The following DOCK10 variants were observed in gnomAD, a reference collection of about 807,000 sequenced individuals.
DOCK10 encodes the protein dedicator of cytokinesis protein 10.
In DOCK10, 145 loss-of-function variants were observed where a neutral mutation model predicts 280.1. The ratio of observed to expected loss-of-function variants is 0.52; its 90% CI spans 0.45 to 0.59. The LOEUF (loss-of-function observed/expected upper bound fraction) is 0.59. Among genes scored for constraint, DOCK10 ranks in the 20% least tolerant of loss-of-function variants. The pLI is 0.00. For missense variants in DOCK10, 2,368 were observed against 2,651.7 expected (o/e 0.89, Z 2.35); for synonymous variants, 915 against 942.2 (o/e 0.97, Z 0.53).
Position 224,835,784 on chromosome 2 carries a change from A to G in DOCK10, c.2851-1521T>C, listed in dbSNP as rs564406980. Reference sequence around the variant, plus strand: ...TTATTAGGAGGTATTTGTTTTAGATATGTTAAAATTTATTATAAAATTGTT... The same window carrying G: ...TTATTAGGAGGTATTTGTTTTAGATGTGTTAAAATTTATTATAAAATTGTT... On this transcript the variant is annotated intron_variant, in intron 25 of 55. Coordinates refer to ENST00000258390, the MANE Select transcript of DOCK10 (RefSeq NM_014689.3). Among the ~76,000 whole-genome samples, 6 of 152,386 alleles carry G rather than the reference A, an allele frequency of 3.9e-5. No individual in the cohort carries two copies. The South Asian group carries it at 1.0e-3, about 26-fold the overall frequency.
chr2:225,031,384 T>C (rs1690069819), intron 1 of DOCK10, among the ~76,000 whole-genome samples: 1 of 152,202 alleles, frequency 6.6e-6, no homozygotes, highest in Non-Finnish European at 1.5e-5. Context: ...GCATTTAAGG[T>C]TGATGACGAA....
At chr2:224,818,173 G>A (rs909802731) in intron 29 of DOCK10, among the ~76,000 whole-genome samples, 2 of 152,256 alleles carry the variant, frequency 1.3e-5, no homozygotes, top group Admixed American at 6.5e-5. Flanking sequence ...CAGGCCCCAC[G>A]TAACGTTTTG....
intron 19 of DOCK10, among the ~76,000 whole-genome samples, chr2:224,848,784 A>G (rs1696532521): frequency 6.6e-6 from 1 of 152,192 alleles, no homozygotes; most frequent in African/African-American, 2.4e-5. Context: ...GTTATAAGCC[A>G]TGGAATTGGC....
At position 224,853,059 on chromosome 2, in the gene DOCK10, G is replaced by C. The variant is rs139212152; in HGVS notation, c.1952C>G (p.Thr651Arg). The C allele has an allele frequency of 4.7e-5, 76 of 1,611,016 alleles. No individual in the cohort carries two copies. The highest frequency in any genetic ancestry group is 8.5e-7 in the Non-Finnish European group (1 of 1,177,986). Residue 651 changes from threonine to arginine, a missense_variant, in exon 17 of 56, where the codon ACA (threonine) becomes AGA (arginine). Physicochemically the swap from Thr to Arg is moderately conservative, Grantham distance 71. Coordinates refer to ENST00000258390, the MANE Select transcript of DOCK10 (RefSeq NM_014689.3). ...GTAAACAAATTCTTCCACCTCCACT[G>C]TGGGTTCTGTTTGAGCCATCATGTT... ...PFNMMAQTEPTVEVEEFVYDS... is the reference protein window; with the variant it reads ...PFNMMAQTEPRVEVEEFVYDS...
chr2:225,037,866 A>G (rs1328033728), intron 1 of DOCK10, among the ~76,000 whole-genome samples: 1 of 152,196 alleles, frequency 6.6e-6, no homozygotes, highest in Non-Finnish European at 1.5e-5. Flanking sequence ...TGTGGTTACT[A>G]TTCATTTTCA....
At chr2:224,916,946 GAAGA>G (rs1701362607) in intron 2 of DOCK10, among the ~76,000 whole-genome samples, 162 bp from the exon 3 acceptor site, 1 of 152,168 alleles carries the variant, frequency 6.6e-6, no homozygotes, top group Non-Finnish European at 1.5e-5. Flanking sequence ...CTCTAGGAGA[GAAGA>G]TGTGGACATT....
chr2:224,801,982 T>C lies in DOCK10; in HGVS notation c.4327A>G (p.Ile1443Val). 6.2e-7 allele frequency: 1 copy of C among 1,613,162 alleles called. No individual in the cohort carries two copies. Among genetic ancestry groups the C allele is most frequent in the East Asian group, 2.2e-5 (1 of 44,854 alleles). Reference sequence around the variant, plus strand: ...GAAAGTGCATTTTTGCCTCGAATTATAGGTAAAGTTTGTGATCTGTGCTGC... The same window carrying C: ...GAAAGTGCATTTTTGCCTCGAATTACAGGTAAAGTTTGTGATCTGTGCTGC... ...HKQHRSQTLP[I>V]IRGKNALSNP... The change falls in exon 40 of 56, where the codon ATA (isoleucine) becomes GTA (valine). Residue 1443 changes from isoleucine (I) to valine (V), a missense_variant. Physicochemically the swap from Ile to Val is conservative, Grantham distance 29 (BLOSUM62 3). This residue lies in a region of DOCK10 where 1,159 missense variants were observed against 1,400.8 expected (regional missense o/e 0.83). Transcript: ENST00000258390.
chr2:224,847,265 C>T (rs1204599363), intron 19 of DOCK10, among the ~76,000 whole-genome samples: 1 of 152,180 alleles, frequency 6.6e-6, no homozygotes, highest in Non-Finnish European at 1.5e-5. Context: ...CCCCAGTAGC[C>T]TTGTGAAGTA....
rs1417701862 is a variant in DOCK10, at chr2:224,807,761, ACTTG to A, written c.3605_3608del (p.Ala1202ValfsTer19). On this transcript the variant is annotated frameshift_variant, in exon 33 of 56. Transcript: ENST00000258390. LOFTEE classifies it high-confidence loss of function. The stretch of plus-strand genomic sequence containing the variant: ...GCATGCCGTACAGGGGCATGTATAA[ACTTG>A]CTATCTGGGCCTGCTTTCTCTAGGA... 1 of 1,570,976 alleles carries A rather than the reference ACTTG, an allele frequency of 6.4e-7. No homozygotes were observed. Among genetic ancestry groups the A allele is most frequent in the Admixed American group, 1.9e-5 (1 of 53,274 alleles).
At chr2:224,901,513 C>G (rs987458259) in intron 3 of DOCK10, among the ~76,000 whole-genome samples, 1 of 152,158 alleles carries the variant, frequency 6.6e-6, no homozygotes, top group Non-Finnish European at 1.5e-5. Context: ...GCCATCTCTG[C>G]CTGTATGTGT....
At chr2:224,916,636 A>T in intron 3 of DOCK10, 59 bp downstream of exon 3, 1 of 1,198,230 alleles carries the variant, frequency 8.3e-7, no homozygotes, top group Non-Finnish European at 1.2e-6. Context: ...AATTGCATTG[A>T]GAATCCCCTG....
intron 15 of DOCK10, among the ~76,000 whole-genome samples, chr2:224,855,545 C>T (rs1330812265): frequency 6.6e-6 from 1 of 152,204 alleles, no homozygotes; most frequent in African/African-American, 2.4e-5. Flanking sequence ...CCTGTTTCTT[C>T]TGCTCTCTCC....
intron 11 of DOCK10, among the ~76,000 whole-genome samples, chr2:224,870,267 C>T (rs1477759667): frequency 6.6e-6 from 1 of 152,174 alleles, no homozygotes; most frequent in Non-Finnish European, 1.5e-5. Context: ...GAGGCCTCAC[C>T]AGTCATGCTG....
intron 31 of DOCK10, among the ~76,000 whole-genome samples, chr2:224,810,615 C>T (rs1382510256): frequency 6.9e-6 from 1 of 144,946 alleles, no homozygotes; most frequent in East Asian, 2.1e-4. Flanking sequence ...GGTTTATCTC[C>T]TAATGCTATC....
At chr2:225,015,549 C>T (rs1441367682) in intron 1 of DOCK10, among the ~76,000 whole-genome samples, 1 of 152,136 alleles carries the variant, frequency 6.6e-6, no homozygotes, top group East Asian at 1.9e-4. Flanking sequence ...ACCAACCAGG[C>T]GGGCCCATCA....
chr2:225,003,382 T>A (rs1270702340), intron 1 of DOCK10, among the ~76,000 whole-genome samples: 2 of 152,180 alleles, frequency 1.3e-5, no homozygotes, highest in African/African-American at 4.8e-5. Flanking sequence ...TGGGTAAACA[T>A]CCCCATGGAG....
At chr2:224,875,253 G>A (rs1698547405) in intron 8 of DOCK10, among the ~76,000 whole-genome samples, 1 of 152,140 alleles carries the variant, frequency 6.6e-6, no homozygotes, top group Non-Finnish European at 1.5e-5. Flanking sequence ...AACAAAATCA[G>A]CAATAGTTTT....
rs540167790 is a variant in DOCK10, at chr2:225,035,473, T to A, written c.123+6779A>T. 2.8e-4 allele frequency among the ~76,000 whole-genome samples: 28 copies of A among 100,132 alleles called. No homozygotes were observed. The East Asian group carries it at 5.7e-3, about 20-fold the overall frequency. The allele number at this position is 100,132 out of a possible 152,430, so 65.7% of individuals were successfully genotyped here. On this transcript the variant is annotated intron_variant, in intron 1 of 55. Transcript: ENST00000258390. ...GCAGTTGGATTTTCTGATATCACCA[T>A]TTTTTTTAAATCCCTAAGGGTTTCA... is the stretch of plus-strand genomic sequence containing the variant.
intron 23 of DOCK10, 108 bp from the exon 24 acceptor site, chr2:224,840,180 T>G (rs1308759088): frequency 1.7e-6 from 1 of 576,694 alleles, no homozygotes; most frequent in Non-Finnish European, 3.1e-6. Flanking sequence ...GGAGAAAAAC[T>G]TCGTGACATT....
Sources: gnomAD v4.1 joint callset for allele counts (sites outside exome capture counted in the v4.1 genomes callset) on GRCh38, gnomAD v4.1.1 for gene constraint, gnomAD v4.1.1 regional missense constraint, MANE v1.5 for transcripts, NCBI Gene and HGNC (gene_info 2026-07-23, HGNC 2026-07-21) for gene names.